Variants in IGF2R observed in about 807,000 individuals in gnomAD.
The protein encoded by IGF2R is insulin like growth factor 2 receptor, also known as cation-independent mannose-6-phosphate receptor.
Under a neutral mutation model 270.6 loss-of-function variants are expected in IGF2R, and 91 were observed. The observed-to-expected ratio is 0.34, with a 90% CI of 0.28 to 0.40. The LOEUF (loss-of-function observed/expected upper bound fraction) is 0.40, where lower values mean the gene tolerates loss of function less well. IGF2R is among the 10% of genes least tolerant of loss of function. The pLI, the probability that IGF2R is intolerant of heterozygous loss-of-function variation, is 1.00. For missense variants in IGF2R, 2,805 were observed against 3,188.3 expected (o/e 0.88, Z 2.90); for synonymous variants, 1,316 against 1,258.9 (o/e 1.05, Z -0.96).
intron 20 of IGF2R, 120 bp downstream of exon 20, chr6:160,056,645 C>G (rs1420757447): frequency 1.4e-6 from 1 of 714,426 alleles, no homozygotes; most frequent in East Asian, 2.6e-5. Context: ...TACTATGTTG[C>G]ATTGACAATG....
At chr6:160,087,480 T>C (rs1047204772) in intron 41 of IGF2R, among the ~76,000 whole-genome samples, 3 of 152,164 alleles carry the variant, frequency 2.0e-5, no homozygotes, top group African/African-American at 7.2e-5. Flanking sequence ...GGCCACAAAG[T>C]ACGGGAGTAG....
In IGF2R at chr6:160,024,802, A is replaced by G; in HGVS notation, c.646+98A>G. The G allele has an allele frequency of 5.2e-6, 7 of 1,354,086 alleles. No individual in the cohort carries two copies. In the South Asian group the frequency reaches 6.5e-5, roughly 12 times the overall value. The allele number at this position is 1,354,086 out of a possible 1,614,324, so 83.9% of individuals were successfully genotyped here. On this transcript the variant is annotated intron_variant, in intron 5 of 47. Coordinates refer to ENST00000356956, the MANE Select transcript of IGF2R (RefSeq NM_000876.4). ...TACCTTTATTTCTGTTTTCACATCC[A>G]TGTTTCTGATTAGGCCCTCTAATAA...
At chr6:160,039,491 A>G (rs1290313089) in intron 10 of IGF2R, among the ~76,000 whole-genome samples, 1 of 152,330 alleles carries the variant, frequency 6.6e-6, no homozygotes, top group East Asian at 1.9e-4. Flanking sequence ...CCTGGCTGAG[A>G]TTGTGCTCAC....
rs1326579794 is a variant in IGF2R at position 160,058,093 on chromosome 6, A to G, written c.2867A>G (p.Tyr956Cys). ...NLNPLNSSQG[Y>C]NVSGIGKIFM... is the part of the protein sequence containing the mutation. The stretch of plus-strand genomic sequence containing the variant: ...AATCCGCTAAACAGTTCGCAAGGAT[A>G]TAACGTCTCTGGCATTGGGAAGATT... Residue 956 changes from tyrosine to cysteine, a missense_variant, in exon 21 of 48, where the codon TAT becomes TGT. Transcript: ENST00000356956. 2 of 1,612,998 alleles carry G rather than the reference A, an allele frequency of 1.2e-6. No homozygotes were observed. Among genetic ancestry groups the G allele is most frequent in the Non-Finnish European group, 1.7e-6 (2 of 1,179,070 alleles).
intron 39 of IGF2R, among the ~76,000 whole-genome samples, chr6:160,083,335 G>A (rs1779026717): frequency 6.6e-6 from 1 of 152,152 alleles, no homozygotes; most frequent in South Asian, 2.1e-4. Context: ...CCCGCCACAG[G>A]GCAGCTTTTC....
At chr6:160,009,911 AG>A (rs1784306720) in intron 3 of IGF2R, among the ~76,000 whole-genome samples, 1 of 152,214 alleles carries the variant, frequency 6.6e-6, no homozygotes, top group Non-Finnish European at 1.5e-5. Flanking sequence ...TCTTATCTGA[AG>A]AACTTTGAAA....
intron 2 of IGF2R, among the ~76,000 whole-genome samples, chr6:160,003,119 A>AGT (rs1232458781): frequency 6.6e-6 from 1 of 152,188 alleles, no homozygotes; most frequent in Non-Finnish European, 1.5e-5. Context: ...CATTTACTTT[A>AGT]AAGAGCCTGG....
chr6:160,015,037 C>T (rs909631453), intron 4 of IGF2R, among the ~76,000 whole-genome samples: 3 of 152,250 alleles, frequency 2.0e-5, no homozygotes, highest in Non-Finnish European at 2.9e-5. Context: ...AGGTGTAGGT[C>T]GTTTGATTCA....
intron 44 of IGF2R, among the ~76,000 whole-genome samples, chr6:160,091,481 A>G (rs1271058804): frequency 1.3e-5 from 2 of 152,126 alleles, no homozygotes; most frequent in East Asian, 1.9e-4. Context: ...GCTCCTGGTC[A>G]CAGATTGTAG....
intron 1 of IGF2R, among the ~76,000 whole-genome samples, chr6:159,990,447 T>G (rs766441787): frequency 1.6e-4 from 24 of 152,158 alleles, no homozygotes; most frequent in Non-Finnish European, 2.5e-4. Context: ...AAGAATGTGT[T>G]TGCTTCCCCT....
chr6:160,063,724 A>G (rs1387935791), intron 27 of IGF2R, 94 bp downstream of exon 27: 50 of 901,458 alleles, frequency 5.5e-5, no homozygotes, highest in Non-Finnish European at 6.8e-5. Context: ...TGAGTCAGAA[A>G]CATGAGTGTT....
intron 1 of IGF2R, among the ~76,000 whole-genome samples, chr6:159,976,260 T>C (rs1281066184): frequency 6.6e-6 from 1 of 152,172 alleles, no homozygotes; most frequent in African/African-American, 2.4e-5. Context: ...ATCTCTATTT[T>C]CCTAGAAAAT....
At chr6:160,093,780 A>G (rs1003705067) in intron 44 of IGF2R, 82 of 744,782 alleles carry the variant, frequency 1.1e-4, no homozygotes, top group Middle Eastern at 9.5e-4. Context: ...TATGATTTGG[A>G]TAAAGATAAC....
At chr6:160,032,027 G>C (rs1258222785) in intron 7 of IGF2R, among the ~76,000 whole-genome samples, 1 of 152,178 alleles carries the variant, frequency 6.6e-6, no homozygotes, top group Non-Finnish European at 1.5e-5. Flanking sequence ...AGCAGGTGTG[G>C]GTACAGATAT....
intron 29 of IGF2R, among the ~76,000 whole-genome samples, chr6:160,065,836 A>ATATATATATATATATATATATG (rs1423747636): frequency 1.7e-5 from 2 of 117,010 alleles, no homozygotes; most frequent in Admixed American, 8.4e-5. Flanking sequence ...ATATATATAT[A>ATATATATATATATATATATATG]TATATATATG....
rs903431895 is a variant in IGF2R at position 160,109,789 on chromosome 6, G to C, written c.*4705G>C. 1 of 152,168 alleles carries C rather than the reference G, an allele frequency of 6.6e-6. No individual in the cohort carries two copies. The highest frequency in any genetic ancestry group is 1.5e-5 in the Non-Finnish European group (1 of 68,032). 9.4% of individuals were successfully genotyped at this position (152,168 alleles called of 1,614,324 possible). The stretch of plus-strand genomic sequence containing the variant: ...CCGCCCCACCTCTGGGAGGGTGCCT[G>C]ATTTGCCCTGCCCCACCCAGCGGCT... On this transcript the variant is annotated 3_prime_UTR_variant, in exon 48 of 48. Transcript: ENST00000356956.
intron 44 of IGF2R, chr6:160,093,764 C>T (rs1389183075): frequency 1.9e-5 from 14 of 750,684 alleles, no homozygotes; most frequent in Non-Finnish European, 3.0e-5. Context: ...GTTTGCTTTT[C>T]GACTATATGA....
At chr6:160,069,594 T>G (rs1316507439) in intron 30 of IGF2R, among the ~76,000 whole-genome samples, 1 of 152,182 alleles carries the variant, frequency 6.6e-6, no homozygotes, top group Non-Finnish European at 1.5e-5. Context: ...TATATGGGGT[T>G]CAGAAAGAAT....
At chr6:160,076,346 G>A (rs1778854726) in intron 36 of IGF2R, among the ~76,000 whole-genome samples, 1 of 151,960 alleles carries the variant, frequency 6.6e-6, no homozygotes, top group Non-Finnish European at 1.5e-5. Context: ...AAGACATTTG[G>A]GCAGCTATAG....
Sources: gnomAD v4.1 joint callset for allele counts (sites outside exome capture counted in the v4.1 genomes callset) on GRCh38, gnomAD v4.1.1 for gene constraint, MANE v1.5 for transcripts, NCBI Gene and HGNC (gene_info 2026-07-23, HGNC 2026-07-21) for gene names.